The following KMO variants were observed in gnomAD, a reference collection of about 807,000 sequenced individuals.
KMO encodes kynurenine 3-hydroxylase.
KMO carries 24 observed loss-of-function variants against 57.8 expected under a neutral mutation model. The observed-to-expected ratio is 0.42, with a 90% CI of 0.30 to 0.58. KMO has a LOEUF of 0.58. KMO is among the 20% of genes least tolerant of loss of function. The pLI is 0.22. For synonymous variants in KMO, 210 were observed against 193.6 expected (o/e 1.08, Z -0.70); for missense variants, 483 against 588.2 (o/e 0.82, Z 1.85).
chr1:241,536,271 CA>C (rs947539574), intron 1 of KMO, among the ~76,000 whole-genome samples: 8 of 152,034 alleles, frequency 5.3e-5, no homozygotes, highest in African/African-American at 1.9e-4. Context: ...ACCTGCATTA[CA>C]AAAAAACTGC....
chr1:241,537,677 T>C (rs939543947), intron 1 of KMO, among the ~76,000 whole-genome samples: 8 of 152,088 alleles, frequency 5.3e-5, no homozygotes, highest in Admixed American at 5.2e-4. Flanking sequence ...TCCACGTGAC[T>C]GGGGAGGTCT....
At chr1:241,568,971 A>G (rs981993356) in intron 10 of KMO, among the ~76,000 whole-genome samples, 1 of 152,166 alleles carries the variant, frequency 6.6e-6, no homozygotes, top group Non-Finnish European at 1.5e-5. Flanking sequence ...TAGTTTTTGT[A>G]TATAACCTAC....
intron 14 of KMO, 107 bp downstream of exon 14, chr1:241,590,370 C>T (rs757500161): frequency 2.1e-5 from 19 of 894,058 alleles, no homozygotes; most frequent in Non-Finnish European, 3.0e-5. Context: ...GGACAGACAC[C>T]AACTGTTTGC....
chr1:241,562,287 T>C lies in KMO; in HGVS notation c.570T>C (p.Ile190=). The C allele has an allele frequency of 6.2e-7, 1 of 1,614,152 alleles. No individual in the cohort carries two copies. The highest frequency in any genetic ancestry group is 8.5e-7 in the Non-Finnish European group (1 of 1,179,980). The stretch of plus-strand genomic sequence containing the variant: ...GCTTTGATTACAGTCAGCAGTACAT[T>C]CCTCATGGGTACATGGAGTTGACTA... ...KPRFDYSQQY[I]PHGYMELTIP... is the part of the protein sequence containing the mutation. The change falls in exon 7 of 15, where the codon ATT becomes ATC. Residue 190 remains isoleucine (I), a synonymous_variant. Coordinates refer to ENST00000366559, the MANE Select transcript of KMO (RefSeq NM_003679.5).
Position 241,560,683 on chromosome 1 carries a change from A to C in KMO, c.380A>C (p.Asn127Thr). 6.2e-7 allele frequency: 1 copy of C among 1,612,792 alleles called. No individual in the cohort carries two copies. Among genetic ancestry groups the C allele is most frequent in the Non-Finnish European group, 8.5e-7 (1 of 1,178,848 alleles). The change falls in exon 6 of 15, where the codon AAT becomes ACT. Residue 127 changes from asparagine to threonine, a missense_variant. Asn to Thr is a moderately conservative substitution (Grantham distance 65). Around this residue, in one of 3 missense-constraint regions of KMO, gnomAD observed 410 missense variants for 492.3 expected, o/e 0.83. Transcript: ENST00000366559. ...TCCTCAGCTGCTGAGAAATACCCCA[A>C]TGTGAAAATGCACTTTAACCACAGG... The part of the protein sequence containing the change: ...DLLTAAEKYP[N>T]VKMHFNHRLL...
At chr1:241,581,365 C>G (rs1662744914) in intron 10 of KMO, among the ~76,000 whole-genome samples, 1 of 152,064 alleles carries the variant, frequency 6.6e-6, no homozygotes, top group African/African-American at 2.4e-5. Context: ...TGCTGCCATA[C>G]AGTTACTTCT....
At chr1:241,555,835 C>A in intron 5 of KMO, 175 bp downstream of exon 5, 1 of 456,520 alleles carries the variant, frequency 2.2e-6, no homozygotes, top group Non-Finnish European at 3.9e-6. Context: ...TGCCTGTAAT[C>A]CCAGCACTCT....
At chr1:241,540,700 T>G (rs889626094) in intron 1 of KMO, among the ~76,000 whole-genome samples, 1 of 152,064 alleles carries the variant, frequency 6.6e-6, no homozygotes, top group Non-Finnish European at 1.5e-5. Context: ...AATTTGGAAT[T>G]TTTTCCTGAA....
intron 7 of KMO, among the ~76,000 whole-genome samples, chr1:241,564,405 A>G (rs186900418): frequency 1.6e-3 from 243 of 152,310 alleles, no homozygotes; most frequent in African/African-American, 5.5e-3. Flanking sequence ...CAGAGGACCC[A>G]CTAAAGAGAT....
At chr1:241,560,526 T>TAA in intron 5 of KMO, 139 bp from the exon 6 acceptor site, 3 of 638,212 alleles carry the variant, frequency 4.7e-6, no homozygotes, top group Non-Finnish European at 5.6e-6. Context: ...AATTACCATT[T>TAA]AAGTGAACTT....
chr1:241,570,168 T>C (rs1022784717), intron 10 of KMO, among the ~76,000 whole-genome samples: 1 of 152,060 alleles, frequency 6.6e-6, no homozygotes, highest in African/African-American at 2.4e-5. Context: ...TTTTACTTTG[T>C]TCTGTGGGTT....
At chr1:241,587,176 TG>T (rs1016476505) in intron 11 of KMO, among the ~76,000 whole-genome samples, 3 of 152,236 alleles carry the variant, frequency 2.0e-5, no homozygotes, top group African/African-American at 7.2e-5. Flanking sequence ...GTTCCTGCTC[TG>T]ATCTTCAGGC....
At chr1:241,569,573 G>A (rs1298361818) in intron 10 of KMO, among the ~76,000 whole-genome samples, 1 of 152,076 alleles carries the variant, frequency 6.6e-6, no homozygotes, top group East Asian at 1.9e-4. Flanking sequence ...GGACACTTAG[G>A]TTGATTCCAT....
Position 241,532,436 on chromosome 1 carries a change from T to C in KMO, c.-9T>C, listed in dbSNP as rs1397134919. The C allele has an allele frequency of 6.2e-7, 1 of 1,612,408 alleles. No homozygotes were observed. The highest frequency in any genetic ancestry group is 1.3e-5 in the African/African-American group (1 of 74,832). ...AGCAACAATAATTGTGAAAAATACT[T>C]CAGCAGTTATGGACTCATCTGTCAT... On this transcript the variant is annotated 5_prime_UTR_variant, in exon 1 of 15. Transcript: ENST00000366559.
At chr1:241,591,918 G>A in intron 14 of KMO, 35 bp from the exon 15 acceptor site, 1 of 1,550,218 alleles carries the variant, frequency 6.5e-7, no homozygotes, top group Non-Finnish European at 8.9e-7. Context: ...TTTAATCTCT[G>A]GACAAATGAA....
At chr1:241,586,649 T>C in intron 10 of KMO, 30 bp from the exon 11 acceptor site, 1 of 1,421,654 alleles carries the variant, frequency 7.0e-7, no homozygotes, top group Admixed American at 1.9e-5. Flanking sequence ...ATTTCTAGTT[T>C]CTTATTTCTC....
chr1:241,570,702 GA>G (rs1662246457), intron 10 of KMO, among the ~76,000 whole-genome samples: 1 of 152,074 alleles, frequency 6.6e-6, no homozygotes, highest in African/African-American at 2.4e-5. Context: ...AGTATAATTT[GA>G]AGTCAGGTAA....
rs938603087 is a variant in KMO, at chr1:241,533,096, G to A, written c.54+598G>A. 7.2e-5 allele frequency among the ~76,000 whole-genome samples: 11 copies of A among 152,342 alleles called. No homozygotes were observed. In the East Asian group the frequency reaches 2.1e-3, roughly 29 times the overall value. Reference sequence around the variant, plus strand: ...CTCACTGAGCACGTGACGTAAAGGTGCTGGGGCTTCCCCCATACCTAACAA... The same window carrying A: ...CTCACTGAGCACGTGACGTAAAGGTACTGGGGCTTCCCCCATACCTAACAA... On this transcript the variant is annotated intron_variant, in intron 1 of 14. Coordinates refer to ENST00000366559, the MANE Select transcript of KMO (RefSeq NM_003679.5).
intron 1 of KMO, among the ~76,000 whole-genome samples, chr1:241,533,660 T>A (rs1319959968): frequency 6.6e-6 from 1 of 152,184 alleles, no homozygotes; most frequent in Non-Finnish European, 1.5e-5. Context: ...TATGTACCAA[T>A]ATTGTTTTAG....
Sources: gnomAD v4.1 joint callset for allele counts (sites outside exome capture counted in the v4.1 genomes callset) on GRCh38, gnomAD v4.1.1 for gene constraint, gnomAD v4.1.1 regional missense constraint, MANE v1.5 for transcripts, NCBI Gene and HGNC (gene_info 2026-07-23, HGNC 2026-07-21) for gene names.